Variants in SHLD2 observed in about 807,000 individuals in gnomAD.
SHLD2 encodes the protein RINN1-REV7-interacting novel NHEJ regulator 2.
In SHLD2, 30 loss-of-function variants were observed where a neutral mutation model predicts 73.2. The ratio of observed to expected loss-of-function variants is 0.41; its 90% CI spans 0.31 to 0.56. SHLD2 has a LOEUF of 0.56. Ranked by LOEUF, SHLD2 falls within the 20% of genes least tolerant of loss-of-function variation. The probability of loss-of-function intolerance (pLI) is 0.28; values close to 1 mark genes in which losing one functional copy is unlikely to be tolerated. For missense variants in SHLD2, 745 were observed against 1,055.9 expected (o/e 0.71, Z 4.08); for synonymous variants, 285 against 370.1 (o/e 0.77, Z 2.64).
At chr10:87,142,446 CT>C (rs1349000772) in intron 2 of SHLD2, among the ~76,000 whole-genome samples, 8 of 152,208 alleles carry the variant, frequency 5.3e-5, no homozygotes, top group Admixed American at 5.2e-4. Context: ...CCTCCACTAC[CT>C]GCAGTCTTCC....
chr10:87,184,347 G>T, intron 8 of SHLD2, among the ~76,000 whole-genome samples: 1 of 151,926 alleles, frequency 6.6e-6, no homozygotes, highest in Non-Finnish European at 1.5e-5. Flanking sequence ...TCTCAGGACA[G>T]TTTCTCATTA....
chr10:87,157,309 C>T (rs973531426), intron 3 of SHLD2, among the ~76,000 whole-genome samples: 44 of 152,168 alleles, frequency 2.9e-4, no homozygotes, highest in Non-Finnish European at 1.5e-5. Flanking sequence ...TTCCTATTAT[C>T]TCTACATTAT....
intron 2 of SHLD2, among the ~76,000 whole-genome samples, chr10:87,127,367 C>T (rs1179413957): frequency 6.6e-6 from 1 of 151,948 alleles, no homozygotes; most frequent in East Asian, 1.9e-4. Flanking sequence ...AGATTGATTA[C>T]GGCAACTAAA....
At chr10:87,188,683 G>A (rs1848794855) in intron 9 of SHLD2, among the ~76,000 whole-genome samples, 1 of 152,120 alleles carries the variant, frequency 6.6e-6, no homozygotes, top group Admixed American at 6.5e-5. Context: ...TGGAGGACCT[G>A]TCTTCTTCCC....
chr10:87,184,638 T>C (rs528587280), intron 8 of SHLD2, among the ~76,000 whole-genome samples: 30 of 152,248 alleles, frequency 2.0e-4, no homozygotes, highest in African/African-American at 7.0e-4. Flanking sequence ...CTTATGCTTG[T>C]TTCCTCTGCA....
chr10:87,180,843 T>G (rs1226342416), intron 8 of SHLD2, among the ~76,000 whole-genome samples: 1 of 152,210 alleles, frequency 6.6e-6, no homozygotes, highest in Non-Finnish European at 1.5e-5. Flanking sequence ...CCTCATAAAT[T>G]ACATGTGTTT....
At chr10:87,175,687 A>AAATAAT (rs373848347) in intron 6 of SHLD2, among the ~76,000 whole-genome samples, 12 of 151,702 alleles carry the variant, frequency 7.9e-5, no homozygotes, top group African/African-American at 1.9e-4. Context: ...CTGTCTTGGA[A>AAATAAT]AATAATAATA....
chr10:87,180,409 G>A (rs1432698573), intron 8 of SHLD2, 106 bp downstream of exon 8: 12 of 1,434,248 alleles, frequency 8.4e-6, no homozygotes, highest in South Asian at 1.4e-5. Context: ...AGAGCTAGTC[G>A]AAGAGAATAA....
At chr10:87,097,054 C>T (rs1473335728) in intron 2 of SHLD2, 65 bp downstream of exon 2, 1 of 152,100 alleles carries the variant, frequency 6.6e-6, no homozygotes, top group Non-Finnish European at 1.5e-5. Context: ...ATCCCCCACT[C>T]CTGCAAAAAA....
At chr10:87,100,540 C>T (rs528674654) in intron 2 of SHLD2, among the ~76,000 whole-genome samples, 3 of 151,150 alleles carry the variant, frequency 2.0e-5, no homozygotes, top group Non-Finnish European at 2.9e-5. Context: ...TGCAATAGCG[C>T]GATCTTGGCT....
At chr10:87,115,396 T>C (rs967530957) in intron 2 of SHLD2, 12 of 152,116 alleles carry the variant, frequency 7.9e-5, no homozygotes, top group African/African-American at 1.9e-4. Context: ...CACCTAGAGA[T>C]AGAGTGTGGG....
Position 87,151,686 on chromosome 10 carries a change from G to A in SHLD2, c.332G>A (p.Arg111Lys). The A allele has an allele frequency of 6.2e-7, 1 of 1,611,466 alleles. No individual in the cohort carries two copies. Among genetic ancestry groups the A allele is most frequent in the African/African-American group, 1.3e-5 (1 of 74,944 alleles). The change falls in exon 3 of 10, where the codon AGA (arginine) becomes AAA (lysine). Residue 111 changes from arginine (R) to lysine (K), a missense_variant. Arg to Lys is a conservative substitution (Grantham distance 26, BLOSUM62 2). Transcript: ENST00000298786. ...GAATCCCAGAAGATTCACTCCTCTA[G>A]ACTGAGTGATATAACTAGCTCTAAT... ...NIESQKIHSS[R>K]LSDITSSNMQ...
chr10:87,162,006 CAG>C (rs1846853372), intron 4 of SHLD2, among the ~76,000 whole-genome samples: 5 of 151,544 alleles, frequency 3.3e-5, no homozygotes. Context: ...TATCTGGAAT[CAG>C]TGAGATAAAA....
intron 2 of SHLD2, among the ~76,000 whole-genome samples, chr10:87,105,772 A>C (rs1842555940): frequency 6.6e-6 from 1 of 152,198 alleles, no homozygotes; most frequent in African/African-American, 2.4e-5. Context: ...TCTATGGAGA[A>C]ACAGCAGTTT....
intron 8 of SHLD2, among the ~76,000 whole-genome samples, chr10:87,182,780 G>T (rs574977738): frequency 5.7e-4 from 86 of 151,582 alleles, no homozygotes; most frequent in African/African-American, 2.0e-3. Context: ...GCTTGACTGG[G>T]GCTGGAGGAT....
intron 2 of SHLD2, among the ~76,000 whole-genome samples, chr10:87,137,916 A>G (rs1252472850): frequency 6.6e-6 from 1 of 152,192 alleles, no homozygotes; most frequent in Non-Finnish European, 1.5e-5. Context: ...TCAGACCAGA[A>G]AAAAATGGAG....
chr10:87,125,606 G>A (rs1380253038), intron 2 of SHLD2, among the ~76,000 whole-genome samples: 8 of 152,158 alleles, frequency 5.3e-5, no homozygotes, highest in South Asian at 2.1e-4. Flanking sequence ...GCGTGGTGGC[G>A]GGTGCCTGTC....
chr10:87,111,117 C>T (rs2134002212), intron 2 of SHLD2, among the ~76,000 whole-genome samples: 1 of 152,200 alleles, frequency 6.6e-6, no homozygotes, highest in South Asian at 2.1e-4. Flanking sequence ...GCTGGGATTA[C>T]AGGCATCAGC....
chr10:87,099,635 A>G lies in SHLD2; in HGVS notation c.-6+2646A>G, dbSNP rs148669363. Among the ~76,000 whole-genome samples the G allele has an allele frequency of 1.9e-3, 292 of 152,262 alleles. 1 individual carries two copies. Among genetic ancestry groups the G allele is most frequent in the African/African-American group, 6.3e-3 (262 of 41,550 alleles). ...TGCTGCGGTGAACTTTTGTGTGTGC[A>G]TATGTTTTCAGTTCTCTTGGGTGCG... On this transcript the variant is annotated intron_variant, in intron 2 of 9. Transcript: ENST00000298786.
Sources: gnomAD v4.1 joint callset for allele counts (sites outside exome capture counted in the v4.1 genomes callset) on GRCh38, gnomAD v4.1.1 for gene constraint, MANE v1.5 for transcripts, NCBI Gene and HGNC (gene_info 2026-07-23, HGNC 2026-07-21) for gene names.